ZNF195: variants seen among roughly 807,000 people sequenced by gnomAD.
ZNF195 encodes hypoxia-regulated factor-1.
Under a neutral mutation model 19.5 loss-of-function variants are expected in ZNF195, and 11 were observed. That is an observed-to-expected ratio of 0.57 (90% confidence interval 0.36 to 0.94). The LOEUF (loss-of-function observed/expected upper bound fraction) is 0.94. ZNF195 is among the 40% of genes least tolerant of loss of function. The pLI is 0.01. For missense variants in ZNF195, 582 were observed against 709.0 expected (o/e 0.82, Z 2.03); for synonymous variants, 214 against 248.1 (o/e 0.86, Z 1.29).
chr11:3,359,889 C>G lies in ZNF195; in HGVS notation c.1119G>C (p.Gln373His). Residue 373 changes from glutamine to histidine, a missense_variant, in exon 6 of 6, where the codon CAG becomes CAC. Physicochemically the swap from Gln to His is conservative, Grantham distance 24 (BLOSUM62 0). This residue lies in a region of ZNF195 where 407 missense variants were observed against 530.5 expected (regional missense o/e 0.77). Transcript: ENST00000399602. The surrounding 1 kb of genome is among the most constrained non-coding windows in gnomAD (Gnocchi z 5.5). ...FISCSSLSNQ[Q>H]MILAGEKLSK... ...AGAGCTTCTCTCCAGCAAGAATCAT[C>G]TGTTGATTAGAAAGGCTTGAGCAAG... The G allele has an allele frequency of 6.2e-7, 1 of 1,614,194 alleles. No individual in the cohort carries two copies. Among genetic ancestry groups the G allele is most frequent in the East Asian group, 2.2e-5 (1 of 44,890 alleles).
intron 1 of ZNF195, chr11:3,373,714 C>G: frequency 7.8e-7 from 1 of 1,288,348 alleles, no homozygotes; most frequent in African/African-American, 1.5e-5. Context: ...CCTGCTACCA[C>G]CACAACCATC....
chr11:3,378,774 G>A (rs1849599294), intron 1 of ZNF195, among the ~76,000 whole-genome samples: 2 of 152,246 alleles, frequency 1.3e-5, no homozygotes, highest in Admixed American at 1.3e-4. Context: ...CACCCACGGA[G>A]TCGGGATTCT....
At chr11:3,378,326 A>G (rs954697161) in intron 1 of ZNF195, among the ~76,000 whole-genome samples, 9 of 152,116 alleles carry the variant, frequency 5.9e-5, no homozygotes, top group African/African-American at 2.2e-4. Context: ...AATAATAATT[A>G]AATAGCAGGC....
chr11:3,360,992 C>CGGAG (rs1482589161), intron 4 of ZNF195, among the ~76,000 whole-genome samples: 1 of 152,148 alleles, frequency 6.6e-6, no homozygotes, highest in Non-Finnish European at 1.5e-5. Flanking sequence ...CCCTGTGACA[C>CGGAG]GGAGTGCTGA....
Sources: allele counts gnomAD v4.1 joint callset (sites outside exome capture counted in the v4.1 genomes callset), GRCh38; gene constraint gnomAD v4.1.1; regional missense constraint gnomAD v4.1.1; non-coding constraint Gnocchi (gnomAD v3.1); transcripts MANE v1.5; gene names NCBI Gene and HGNC (gene_info 2026-07-23, HGNC 2026-07-21).